The following FOXJ3 variants were observed in gnomAD, a reference collection of about 807,000 sequenced individuals.
FOXJ3 encodes forkhead box J3, also known as forkhead box protein J3.
In FOXJ3, 22 loss-of-function variants were observed where a neutral mutation model predicts 76.1. The ratio of observed to expected loss-of-function variants is 0.29; its 90% CI spans 0.21 to 0.41. FOXJ3 has a LOEUF of 0.41. Among genes scored for constraint, FOXJ3 ranks in the 10% least tolerant of loss-of-function variants. The probability of loss-of-function intolerance (pLI) is 1.00; values close to 1 mark genes in which losing one functional copy is unlikely to be tolerated. For synonymous variants in FOXJ3, 269 were observed against 261.2 expected (o/e 1.03, Z -0.29); for missense variants, 613 against 762.1 (o/e 0.80, Z 2.30).
chr1:42,181,865 T>TCACACACA lies in FOXJ3; in HGVS notation c.1753+44_1753+51dup, dbSNP rs143175153. 1.1e-4 allele frequency: 110 copies of TCACACACA among 964,562 alleles called. No individual in the cohort carries two copies. The East Asian group carries it at 1.5e-3, about 13-fold the overall frequency. 59.8% of individuals were successfully genotyped at this position (964,562 alleles called of 1,614,324 possible). On this transcript the variant is annotated intron_variant, in intron 12 of 12. Coordinates refer to ENST00000361346, the MANE Select transcript of FOXJ3 (RefSeq NM_014947.5). ...CCTGCCATCGTTGTTCCTGGAGTGCTCACACACACACACACACACACACAC... is the reference window on the plus strand; with the variant it reads ...CCTGCCATCGTTGTTCCTGGAGTGCTCACACACACACACACACACACACACACACACAC...
At chr1:42,230,159 TAA>T (rs773027589) in intron 4 of FOXJ3, among the ~76,000 whole-genome samples, 2 of 152,160 alleles carry the variant, frequency 1.3e-5, no homozygotes, top group Non-Finnish European at 2.9e-5. Context: ...TTCTAATAAT[TAA>T]AAAGATTCAC....
intron 2 of FOXJ3, among the ~76,000 whole-genome samples, chr1:42,279,921 T>C (rs190202645): frequency 7.0e-4 from 107 of 152,108 alleles, no homozygotes; most frequent in African/African-American, 2.6e-3. Context: ...AAAAGCAACC[T>C]TGAATATTAT....
rs116713280 is a variant in FOXJ3 at position 42,311,502 on chromosome 1, G to A, written c.-17-392C>T. Among the ~76,000 whole-genome samples the A allele has an allele frequency of 4.2e-3, 632 of 152,276 alleles. 3 individuals are homozygous for A. Among genetic ancestry groups the A allele is most frequent in the African/African-American group, 0.014 (589 of 41,550 alleles). ...AGAGAGGTGCCCAAAAGCTACCACAGAGTTAAGCATGCAAGGTTCCAACCC... is the reference window on the plus strand; with the variant it reads ...AGAGAGGTGCCCAAAAGCTACCACAAAGTTAAGCATGCAAGGTTCCAACCC... On this transcript the variant is annotated intron_variant, in intron 1 of 12. Coordinates refer to ENST00000361346, the MANE Select transcript of FOXJ3 (RefSeq NM_014947.5).
At chr1:42,266,140 T>C (rs1467372865) in intron 3 of FOXJ3, among the ~76,000 whole-genome samples, 1 of 152,284 alleles carries the variant, frequency 6.6e-6, no homozygotes, top group South Asian at 2.1e-4. Flanking sequence ...ATCTGCTTTA[T>C]TGTTTAATAT....
Position 42,238,717 on chromosome 1 carries a change from C to A in FOXJ3, c.445-10751G>T, listed in dbSNP as rs1206233605. Among the ~76,000 whole-genome samples the A allele has an allele frequency of 2.0e-5, 3 of 152,090 alleles. 1 individual carries two copies. The highest frequency in any genetic ancestry group is 4.4e-5 in the Non-Finnish European group (3 of 68,006). On this transcript the variant is annotated intron_variant, in intron 4 of 12. Transcript: ENST00000361346. The stretch of plus-strand genomic sequence containing the variant: ...GGGAACACAGGCATGCACAACCATA[C>A]CTGGCAAATTTGTCTTCTTCTTTGT...
chr1:42,241,106 A>G lies in FOXJ3; in HGVS notation c.445-13140T>C, dbSNP rs897643967. 7.2e-5 allele frequency among the ~76,000 whole-genome samples: 11 copies of G among 152,198 alleles called. 1 individual carries two copies. Among genetic ancestry groups the G allele is most frequent in the Non-Finnish European group, 1.6e-4 (11 of 68,032 alleles). On this transcript the variant is annotated intron_variant, in intron 4 of 12. Coordinates refer to ENST00000361346, the MANE Select transcript of FOXJ3 (RefSeq NM_014947.5). The stretch of plus-strand genomic sequence containing the variant: ...AGAGGCTGCCCACTGTGGGAAAAGG[A>G]TAAGTGAGTGATTCCCAGAGGTCCA...
intron 1 of FOXJ3, among the ~76,000 whole-genome samples, chr1:42,328,335 T>A (rs1309407762): frequency 6.6e-6 from 1 of 152,200 alleles, no homozygotes; most frequent in Non-Finnish European, 1.5e-5. Context: ...CCAGTCATCT[T>A]CAAATTATTA....
intron 1 of FOXJ3, among the ~76,000 whole-genome samples, chr1:42,326,595 T>C: frequency 6.6e-6 from 1 of 152,198 alleles, no homozygotes; most frequent in East Asian, 1.9e-4. Flanking sequence ...TATACTTACA[T>C]AAAACAAGAC....
At chr1:42,313,320 A>G (rs1306472576) in intron 1 of FOXJ3, among the ~76,000 whole-genome samples, 1 of 151,568 alleles carries the variant, frequency 6.6e-6, no homozygotes, top group Non-Finnish European at 1.5e-5. Context: ...CTAGGCAATA[A>G]GAGCAAAATT....
At position 42,188,823 on chromosome 1, in the gene FOXJ3, C is replaced by T. The variant is rs1646487506; in HGVS notation, c.1559G>A (p.Gly520Asp). 6.2e-7 allele frequency: 1 copy of T among 1,612,920 alleles called. No homozygotes were observed. Among genetic ancestry groups the T allele is most frequent in the African/African-American group, 1.3e-5 (1 of 74,874 alleles). ...SSLNQFFTQTGLIHSQSNVQQ... is the reference protein window; with the variant it reads ...SSLNQFFTQTDLIHSQSNVQQ... ...AACATTACTCTGTGAATGTATAAGGCCAGTTTGTGTAAAGAACTGATTAAG... is the reference window on the plus strand; with the variant it reads ...AACATTACTCTGTGAATGTATAAGGTCAGTTTGTGTAAAGAACTGATTAAG... Residue 520 changes from glycine (G) to aspartate (D), a missense_variant, in exon 11 of 13, where the codon GGC (glycine) becomes GAC (aspartate). Around this residue, in one of 3 missense-constraint regions of FOXJ3, gnomAD observed 526 missense variants for 601.4 expected, o/e 0.87. Transcript: ENST00000361346.
chr1:42,328,268 G>C (rs1293029102), intron 1 of FOXJ3, among the ~76,000 whole-genome samples: 1 of 152,214 alleles, frequency 6.6e-6, no homozygotes, highest in East Asian at 1.9e-4. Context: ...CTATACTCCA[G>C]CCTGGGTGAC....
chr1:42,218,800 C>T (rs1054284899), intron 5 of FOXJ3, among the ~76,000 whole-genome samples: 1 of 152,158 alleles, frequency 6.6e-6, no homozygotes, highest in Admixed American at 6.5e-5. Flanking sequence ...TGCTCCCACC[C>T]CTTACTTCTC....
At chr1:42,213,390 A>C (rs1647004648) in intron 5 of FOXJ3, among the ~76,000 whole-genome samples, 1 of 151,920 alleles carries the variant, frequency 6.6e-6, no homozygotes, top group Non-Finnish European at 1.5e-5. Flanking sequence ...GAAAAAAGAT[A>C]TTTCTGGCAA....
At chr1:42,284,863 T>C (rs961548449) in intron 2 of FOXJ3, among the ~76,000 whole-genome samples, 4 of 152,208 alleles carry the variant, frequency 2.6e-5, no homozygotes, top group Non-Finnish European at 5.9e-5. Flanking sequence ...ATTAATAGTA[T>C]CTGTAACTCT....
chr1:42,294,839 T>A (rs1161257802), intron 2 of FOXJ3, among the ~76,000 whole-genome samples: 2 of 151,516 alleles, frequency 1.3e-5, no homozygotes, highest in African/African-American at 2.4e-5. Flanking sequence ...AAGTTGCCTG[T>A]AGAAATGAAG....
chr1:42,330,508 C>T (rs951712487), intron 1 of FOXJ3, among the ~76,000 whole-genome samples: 7 of 152,102 alleles, frequency 4.6e-5, no homozygotes, highest in South Asian at 2.1e-4. Context: ...CATGGTGGCG[C>T]GCACCTGTAG....
intron 5 of FOXJ3, among the ~76,000 whole-genome samples, chr1:42,213,746 T>A (rs1343257532): frequency 6.6e-6 from 1 of 151,876 alleles, no homozygotes; most frequent in South Asian, 2.1e-4. Context: ...ATGTGGATTC[T>A]AAAAAAAACC....
chr1:42,298,821 A>C (rs1407713866), intron 2 of FOXJ3, among the ~76,000 whole-genome samples: 1 of 152,166 alleles, frequency 6.6e-6, no homozygotes, highest in African/African-American at 2.4e-5. Flanking sequence ...GCTGTATCCC[A>C]GAGGTTTTAG....
chr1:42,316,396 C>G (rs1029645607), intron 1 of FOXJ3, among the ~76,000 whole-genome samples: 1 of 131,148 alleles, frequency 7.6e-6, no homozygotes, highest in African/African-American at 2.8e-5. Context: ...ATGTCAAACT[C>G]CTGGCCTCAA....
Sources: allele counts gnomAD v4.1 joint callset (sites outside exome capture counted in the v4.1 genomes callset), GRCh38; gene constraint gnomAD v4.1.1; regional missense constraint gnomAD v4.1.1; transcripts MANE v1.5; gene names NCBI Gene and HGNC (gene_info 2026-07-23, HGNC 2026-07-21).